MRTFB: variants seen among roughly 807,000 people sequenced by gnomAD.
MRTFB encodes the protein myocardin related transcription factor B.
A neutral mutation model predicts 104.2 loss-of-function variants in MRTFB; 29 were observed. The ratio of observed to expected loss-of-function variants is 0.28; its 90% CI spans 0.21 to 0.38. The LOEUF (loss-of-function observed/expected upper bound fraction) is 0.38. Among genes scored for constraint, MRTFB ranks in the 10% least tolerant of loss-of-function variants. MRTFB has a pLI of 1.00. For missense variants in MRTFB, 1,270 were observed against 1,341.6 expected (o/e 0.95, Z 0.83); for synonymous variants, 535 against 519.5 (o/e 1.03, Z -0.41).
At chr16:14,140,976 C>T (rs1038513654) in intron 3 of MRTFB, 27 of 493,832 alleles carry the variant, frequency 5.5e-5, no homozygotes, top group Middle Eastern at 4.8e-4. Context: ...TTGGTAGTGA[C>T]GTTACCTTTG....
chr16:14,083,582 C>CT (rs1483772452), intron 2 of MRTFB, among the ~76,000 whole-genome samples: 3 of 152,220 alleles, frequency 2.0e-5, no homozygotes, highest in African/African-American at 7.2e-5. Context: ...CCTATGCTTA[C>CT]TTCCCTCTGT....
At position 14,258,106 on chromosome 16, in the gene MRTFB, C is replaced by T. The variant is rs1168522062; in HGVS notation, c.2709C>T (p.Ser903=). Reference sequence around the variant, plus strand: ...TGTACTCTCCTTCATTGTAGATTTCCAACGCTCACAGTCAGCAGATGGATG... The same window carrying T: ...TGTACTCTCCTTCATTGTAGATTTCTAACGCTCACAGTCAGCAGATGGATG... The part of the protein sequence containing the change: ...RSTQAPLPEI[S]NAHSQQMDDL... Residue 903 remains serine, a synonymous_variant, in exon 16 of 17, where the codon TCC becomes TCT. Transcript: ENST00000571589. 2 of 1,613,594 alleles carry T rather than the reference C, an allele frequency of 1.2e-6. No individual in the cohort carries two copies. Among genetic ancestry groups the T allele is most frequent in the Non-Finnish European group, 1.7e-6 (2 of 1,179,752 alleles).
chr16:14,006,078 C>T, the MRTFB span, among the ~76,000 whole-genome samples: 3 of 152,122 alleles, frequency 2.0e-5, no homozygotes, highest in Non-Finnish European at 2.9e-5. Context: ...TGTGGTGGCT[C>T]ACACCTGTAA....
chr16:14,085,081 C>A (rs976197039), intron 2 of MRTFB, among the ~76,000 whole-genome samples: 22 of 152,032 alleles, frequency 1.4e-4, no homozygotes, highest in Non-Finnish European at 1.0e-4. Flanking sequence ...GAGTTGGAGA[C>A]CAGCCTTGAC....
chr16:14,231,032 A>G (rs535787200), intron 8 of MRTFB, among the ~76,000 whole-genome samples: 64 of 151,830 alleles, frequency 4.2e-4, no homozygotes, highest in African/African-American at 1.5e-3. Flanking sequence ...CTATCACAAG[A>G]ACAAAAAACC....
At chr16:14,256,981 T>G (rs927265582) in intron 15 of MRTFB, among the ~76,000 whole-genome samples, 1 of 152,198 alleles carries the variant, frequency 6.6e-6, no homozygotes, top group Non-Finnish European at 1.5e-5. Context: ...GATAAGCACT[T>G]GAAGAGATGC....
intron 3 of MRTFB, among the ~76,000 whole-genome samples, chr16:14,150,245 G>A (rs2038545017): frequency 6.6e-6 from 1 of 152,170 alleles, no homozygotes; most frequent in Non-Finnish European, 1.5e-5. Context: ...ATTGCTCTGA[G>A]GGTTAGATCA....
At chr16:14,009,795 T>G in the MRTFB span, 1 of 152,166 alleles carries the variant, frequency 6.6e-6, no homozygotes. Context: ...ATGTCGACTT[T>G]CACTAAAGAT....
chr16:14,247,555 T>G (rs745851416), intron 12 of MRTFB, 48 bp downstream of exon 12: 12 of 1,480,928 alleles, frequency 8.1e-6, no homozygotes, highest in Non-Finnish European at 9.0e-6. Context: ...ATGCATGGAA[T>G]GCAAACCCTG....
At chr16:14,219,035 A>C in intron 8 of MRTFB, 37 bp downstream of exon 8, 1 of 1,536,380 alleles carries the variant, frequency 6.5e-7, no homozygotes, top group Non-Finnish European at 8.8e-7. Flanking sequence ...AAAGAAAGAA[A>C]ATGCCTTGTT....
chr16:14,112,455 T>G (rs533751967), intron 2 of MRTFB, among the ~76,000 whole-genome samples: 1 of 152,320 alleles, frequency 6.6e-6, no homozygotes, highest in South Asian at 2.1e-4. Context: ...ACAACAGTGA[T>G]GAGCTGGCTC....
chr16:14,057,850 G>T, the MRTFB span, among the ~76,000 whole-genome samples: 11 of 152,220 alleles, frequency 7.2e-5, no homozygotes, highest in Admixed American at 2.0e-4. Flanking sequence ...CCAACTCTGA[G>T]CTCCTCCTGG....
At chr16:14,007,403 G>T in the MRTFB span, among the ~76,000 whole-genome samples, 1 of 152,184 alleles carries the variant, frequency 6.6e-6, no homozygotes, top group African/African-American at 2.4e-5. Flanking sequence ...GTTGCGGCAG[G>T]GATCAGTTCT....
intron 3 of MRTFB, among the ~76,000 whole-genome samples, chr16:14,198,866 T>C (rs538493083): frequency 1.3e-5 from 2 of 152,356 alleles, no homozygotes; most frequent in African/African-American, 4.8e-5. Flanking sequence ...CCCTTCCTAC[T>C]GCCTTCAAGG....
Position 14,246,413 on chromosome 16 carries a change from G to C in MRTFB, c.1213-60G>C, listed in dbSNP as rs890425938. The C allele has an allele frequency of 1.0e-5, 16 of 1,545,606 alleles. No individual in the cohort carries two copies. In the East Asian group the frequency reaches 3.4e-4, roughly 33 times the overall value. ...TAGGCACCTTTCCCATCACAAAAGC[G>C]TACTGTAGATTTGCCAGAAAGCTCT... On this transcript the variant is annotated intron_variant, in intron 11 of 16. Transcript: ENST00000571589.
At chr16:14,110,830 GC>G (rs1347972284) in intron 2 of MRTFB, among the ~76,000 whole-genome samples, 5 of 151,958 alleles carry the variant, frequency 3.3e-5, no homozygotes, top group African/African-American at 1.2e-4. Flanking sequence ...CCCCAAACTT[GC>G]CCCTATTCCC....
chr16:14,027,519 A>G, the MRTFB span, among the ~76,000 whole-genome samples: 1 of 152,234 alleles, frequency 6.6e-6, no homozygotes, highest in East Asian at 1.9e-4. Context: ...TAAAGAAATT[A>G]AAATGAATGC....
At chr16:14,136,295 T>G (rs563619145) in intron 2 of MRTFB, among the ~76,000 whole-genome samples, 1 of 151,944 alleles carries the variant, frequency 6.6e-6, no homozygotes, top group African/African-American at 2.4e-5. Context: ...AAAAAAAAAG[T>G]TCCTAAATAG....
chr16:14,162,516 T>C (rs529055847), intron 3 of MRTFB, among the ~76,000 whole-genome samples: 2 of 152,232 alleles, frequency 1.3e-5, no homozygotes, highest in Non-Finnish European at 2.9e-5. Context: ...TTAAATAAAT[T>C]GTAATACTTC....
Sources: allele counts gnomAD v4.1 joint callset (sites outside exome capture counted in the v4.1 genomes callset), GRCh38; gene constraint gnomAD v4.1.1; transcripts MANE v1.5; gene names NCBI Gene and HGNC (gene_info 2026-07-23, HGNC 2026-07-21).